Variants in TCHP observed in about 807,000 individuals in gnomAD.
TCHP encodes the protein trichoplein keratin filament binding, also known as trichoplein keratin filament-binding protein.
A neutral mutation model predicts 88.7 loss-of-function variants in TCHP; 81 were observed. The ratio of observed to expected loss-of-function variants is 0.91; its 90% CI spans 0.76 to 1.10. TCHP has a LOEUF of 1.10. TCHP is among the 50% of genes least tolerant of loss of function. The pLI, the probability that TCHP is intolerant of heterozygous loss-of-function variation, is 0.00. For synonymous variants in TCHP, 232 were observed against 232.5 expected (o/e 1.00, Z 0.02); for missense variants, 641 against 632.1 (o/e 1.01, Z -0.15).
chr12:109,887,423 C>A, the TCHP span, among the ~76,000 whole-genome samples: 12,166 of 138,030 alleles, frequency 0.088, 946 homozygotes, highest in African/African-American at 0.21. Flanking sequence ...AAAAAAAAAA[C>A]AAAAAAAAAA....
At chr12:109,901,221 G>A (rs991233882) in intron 1 of TCHP, among the ~76,000 whole-genome samples, 1 of 141,852 alleles carries the variant, frequency 7.0e-6, no homozygotes, top group African/African-American at 2.9e-5. Context: ...AACCCAGCTT[G>A]TTTATCTCCT....
Position 109,911,207 on chromosome 12 carries a change from C to T in TCHP, c.1024C>T (p.Arg342Trp), listed in dbSNP as rs560664869. ...GGAGCAGCTGCAGCTGGAGCGGGCG[C>T]GGGAGGCAGAGCTGCAGATGCTGCT... ...IEEQLQLERA[R>W]EAELQMLLRE... Residue 342 changes from arginine to tryptophan, a missense_variant, in exon 9 of 13, where the codon CGG (arginine) becomes TGG (tryptophan). Arg to Trp is a moderately radical substitution (Grantham distance 101). Transcript: ENST00000405876. 1.0e-5 allele frequency: 16 copies of T among 1,583,792 alleles called. No individual in the cohort carries two copies. The highest frequency in any genetic ancestry group is 5.8e-5 in the South Asian group (5 of 86,466).
intron 9 of TCHP, among the ~76,000 whole-genome samples, chr12:109,911,801 A>T (rs1011765920): frequency 1.2e-4 from 17 of 142,892 alleles, no homozygotes; most frequent in South Asian, 2.3e-4. Context: ...GAAGGAAATT[A>T]TTTTTTTTTT....
intron 10 of TCHP, 76 bp from the exon 11 acceptor site, chr12:109,914,366 G>C: frequency 7.2e-7 from 1 of 1,388,584 alleles, no homozygotes; most frequent in Non-Finnish European, 9.8e-7. Flanking sequence ...TGTGGCTGCA[G>C]CCTGTCCAAG....
intron 11 of TCHP, chr12:109,914,881 G>T: frequency 2.2e-6 from 1 of 458,066 alleles, no homozygotes; most frequent in South Asian, 2.4e-5. Flanking sequence ...GCAAGCAGTT[G>T]GCTTACCGGG....
At chr12:109,893,702 T>C in the TCHP span, among the ~76,000 whole-genome samples, 1 of 152,110 alleles carries the variant, frequency 6.6e-6, no homozygotes, top group South Asian at 2.1e-4. Flanking sequence ...GGGGTGAGCA[T>C]TGAGTTCAGG....
intron 1 of TCHP, 71 bp from the exon 2 acceptor site, chr12:109,902,956 G>C: frequency 7.4e-7 from 1 of 1,360,322 alleles, no homozygotes; most frequent in Non-Finnish European, 1.0e-6. Context: ...ACTCGTTAAA[G>C]GGATGAGGCC....
At chr12:109,907,792 A>G in intron 6 of TCHP, 93 bp downstream of exon 6, 1 of 1,383,084 alleles carries the variant, frequency 7.2e-7, no homozygotes, top group Non-Finnish European at 9.8e-7. Flanking sequence ...AAGAGGCCAT[A>G]GCAGGGCTGA....
chr12:109,912,982 T>G lies in TCHP; in HGVS notation c.1053-9T>G, dbSNP rs768714151. On this transcript the variant is annotated splice_polypyrimidine_tract_variant and intron_variant, in intron 9 of 12. Transcript: ENST00000405876. ...GGAGCCTGCTGTCATCCCTTTTGTG[T>G]TTGCCCAGGGAGGAGGCCAAGGAGA... is the stretch of plus-strand genomic sequence containing the variant. The G allele has an allele frequency of 2.5e-6, 4 of 1,613,704 alleles. No homozygotes were observed. The highest frequency in any genetic ancestry group is 3.4e-6 in the Non-Finnish European group (4 of 1,179,834).
intron 3 of TCHP, 115 bp downstream of exon 3, chr12:109,904,262 C>T: frequency 1.1e-6 from 1 of 905,704 alleles, no homozygotes; most frequent in Non-Finnish European, 1.7e-6. Context: ...CCAGTTAACT[C>T]CAGAGCCAGC....
the TCHP span, among the ~76,000 whole-genome samples, chr12:109,891,362 A>T: frequency 6.6e-6 from 1 of 151,418 alleles, no homozygotes; most frequent in Non-Finnish European, 1.5e-5. Context: ...AAAGGAGAAG[A>T]TATAGTAATG....
Position 109,913,009 on chromosome 12 carries a change from G to A in TCHP, c.1071G>A (p.Met357Ile). Reference protein sequence around the residue: ...QMLLREEAKEMWEKREAEWAR... With the variant: ...QMLLREEAKEIWEKREAEWAR... ...TGCCCAGGGAGGAGGCCAAGGAGATGTGGGAAAAGAGAGAGGCAGAGTGGG... is the reference window on the plus strand; with the variant it reads ...TGCCCAGGGAGGAGGCCAAGGAGATATGGGAAAAGAGAGAGGCAGAGTGGG... The change falls in exon 10 of 13, where the codon ATG (methionine) becomes ATA (isoleucine). Residue 357 changes from methionine (M) to isoleucine (I), a missense_variant. Transcript: ENST00000405876. 2 of 1,613,990 alleles carry A rather than the reference G, an allele frequency of 1.2e-6. No homozygotes were observed. The highest frequency in any genetic ancestry group is 1.7e-6 in the Non-Finnish European group (2 of 1,180,008).
Position 109,914,499 on chromosome 12 carries a change from CAA to C in TCHP, c.1193_1194del (p.Gln398ArgfsTer15). 6.2e-7 allele frequency: 1 copy of C among 1,614,156 alleles called. No homozygotes were observed. The highest frequency in any genetic ancestry group is 8.5e-7 in the Non-Finnish European group (1 of 1,180,026). On this transcript the variant is annotated frameshift_variant, in exon 11 of 13. Transcript: ENST00000405876. LOFTEE classifies it high-confidence loss of function. ...GAAGATTGAGCAGAACCGACGGGCA[CAA>C]GAGGAATCCCTGAAACACAGGGAGC... ...QEKIEQNRRA[Q>X]EESLKHREQL...
At chr12:109,883,138 A>T in the TCHP span, among the ~76,000 whole-genome samples, 1 of 145,824 alleles carries the variant, frequency 6.9e-6, no homozygotes, top group Non-Finnish European at 1.5e-5. Flanking sequence ...GGCTCAAGGG[A>T]TTCTCCCGCC....
chr12:109,913,461 C>G (rs1471548758), intron 10 of TCHP, among the ~76,000 whole-genome samples: 1 of 152,140 alleles, frequency 6.6e-6, no homozygotes, highest in African/African-American at 2.4e-5. Flanking sequence ...CCTCTGTCAC[C>G]CGCTGCCTTT....
At chr12:109,885,170 A>G in the TCHP span, among the ~76,000 whole-genome samples, 4 of 152,144 alleles carry the variant, frequency 2.6e-5, no homozygotes, top group African/African-American at 9.7e-5. Context: ...GGTTTTCACC[A>G]TGTTGGCCAG....
chr12:109,898,631 T>C (rs1869629559), upstream of TCHP, among the ~76,000 whole-genome samples: 1 of 152,174 alleles, frequency 6.6e-6, no homozygotes, highest in South Asian at 2.1e-4. Flanking sequence ...GTTCTGACTG[T>C]AGAGACCATG....
At chr12:109,914,366 GC>G in intron 10 of TCHP, 75 bp from the exon 11 acceptor site, 1 of 1,388,584 alleles carries the variant, frequency 7.2e-7, no homozygotes, top group Non-Finnish European at 9.8e-7. Context: ...TGTGGCTGCA[GC>G]CTGTCCAAGG....
chr12:109,905,509 G>C lies in TCHP; in HGVS notation c.456+716G>C, dbSNP rs773262887. On this transcript the variant is annotated intron_variant, in intron 4 of 12. Transcript: ENST00000405876. This position sits in a 1 kb window ranked among gnomAD's most constrained non-coding sequence, Gnocchi z 4.0. The stretch of plus-strand genomic sequence containing the variant: ...GGAGGGGTGCTGCGACAGCCCAGCC[G>C]GGGGTTGGTGAAGGCCTGAACTGGG... Among the ~76,000 whole-genome samples the C allele has an allele frequency of 2.6e-5, 4 of 152,224 alleles. No individual in the cohort carries two copies. Among genetic ancestry groups the C allele is most frequent in the African/African-American group, 4.8e-5 (2 of 41,464 alleles).
Sources: gnomAD v4.1 joint callset for allele counts (sites outside exome capture counted in the v4.1 genomes callset) on GRCh38, gnomAD v4.1.1 for gene constraint, Gnocchi (gnomAD v3.1) non-coding constraint, MANE v1.5 for transcripts, NCBI Gene and HGNC (gene_info 2026-07-23, HGNC 2026-07-21) for gene names.